The following HEXA variants were observed in gnomAD, a reference collection of about 807,000 sequenced individuals.
HEXA encodes the protein hexosaminidase subunit alpha.
Under a neutral mutation model 73.3 loss-of-function variants are expected in HEXA, and 54 were observed. The observed-to-expected ratio is 0.74, with a 90% CI of 0.59 to 0.92. The LOEUF is 0.92. HEXA is among the 40% of genes least tolerant of loss of function. The pLI is 0.00. For missense variants in HEXA, 649 were observed against 653.0 expected (o/e 0.99, Z 0.07); for synonymous variants, 230 against 246.9 (o/e 0.93, Z 0.64).
intron 13 of HEXA, among the ~76,000 whole-genome samples, chr15:72,345,024 C>T (rs954470973): frequency 2.6e-5 from 4 of 152,194 alleles, no homozygotes; most frequent in African/African-American, 4.8e-5. Flanking sequence ...ACAAACTTAG[C>T]ACAGTGTTTG....
intron 10 of HEXA, 139 bp from the exon 11 acceptor site, chr15:72,346,849 AC>A: frequency 1.2e-6 from 1 of 830,260 alleles, no homozygotes; most frequent in Non-Finnish European, 2.1e-6. Flanking sequence ...GTGACTCCTG[AC>A]CATTGAGCTC....
intron 2 of HEXA, 63 bp from the exon 3 acceptor site, chr15:72,355,687 A>G: frequency 9.1e-7 from 1 of 1,095,320 alleles, no homozygotes; most frequent in African/African-American, 1.5e-5. Context: ...ATTATAGACC[A>G]GATATTCTAT....
Position 72,355,637 on chromosome 15 carries a change from A to C in HEXA, c.347-13T>G. 1.3e-6 allele frequency: 2 copies of C among 1,582,384 alleles called. No homozygotes were observed. The highest frequency in any genetic ancestry group is 1.7e-6 in the Non-Finnish European group (2 of 1,150,916). On this transcript the variant is annotated splice_polypyrimidine_tract_variant and intron_variant, in intron 2 of 13. Transcript: ENST00000268097. ...ATGGTCAGGGTATCTGAAATGACAG[A>C]AATGAACTCATTTAGTTGGTTAAGG...
rs1226351129 is a variant in HEXA, at chr15:72,341,299, G to C, written c.*2778C>G. 6.6e-6 allele frequency: 1 copy of C among 152,094 alleles called. No homozygotes were observed. Among genetic ancestry groups the C allele is most frequent in the Non-Finnish European group, 1.5e-5 (1 of 68,028 alleles). The allele number at this position is 152,094 out of a possible 1,614,324, so 9.4% of individuals were successfully genotyped here. A position where few individuals can be genotyped will look rare whatever the true frequency, so the allele number is the denominator to read the frequency against. ...GGTGGCACCTGTGCTCCCACATCCTGATATCCTACCCCTACGGCAATCCTT... is the reference window on the plus strand; with the variant it reads ...GGTGGCACCTGTGCTCCCACATCCTCATATCCTACCCCTACGGCAATCCTT... On this transcript the variant is annotated 3_prime_UTR_variant, in exon 14 of 14. Transcript: ENST00000268097.
chr15:72,346,705 C>G lies in HEXA; in HGVS notation c.1152G>C (p.Gln384His). Residue 384 changes from glutamine to histidine, a missense_variant, in exon 11 of 14, where the codon CAG (glutamine) becomes CAC (histidine). Gln to His is a conservative substitution (Grantham distance 24). Coordinates refer to ENST00000268097, the MANE Select transcript of HEXA (RefSeq NM_000520.6). Reference sequence around the variant, plus strand: ...GCCACACCTGTATGATTGTGTCTGGCTGAATCTGTTATAAAAGGTCAAATG... The same window carrying G: ...GCCACACCTGTATGATTGTGTCTGGGTGAATCTGTTATAAAAGGTCAAATG... ...QEVFDNKVKI[Q>H]PDTIIQVWRE... is the part of the protein sequence containing the mutation. 2 of 1,614,048 alleles carry G rather than the reference C, an allele frequency of 1.2e-6. No homozygotes were observed. Among genetic ancestry groups the G allele is most frequent in the African/African-American group, 1.3e-5 (1 of 75,026 alleles).
At chr15:72,361,146 TG>T (rs2088848125) in intron 1 of HEXA, among the ~76,000 whole-genome samples, 1 of 152,214 alleles carries the variant, frequency 6.6e-6, no homozygotes, top group South Asian at 2.1e-4. Flanking sequence ...TTGTAAGTGC[TG>T]GGGATACAGC....
chr15:72,346,325 C>G lies in HEXA; in HGVS notation c.1331G>C (p.Gly444Ala), dbSNP rs754440146. ...FYIVEPLAFE[G>A]TPEQKALVIG... The stretch of plus-strand genomic sequence containing the variant: ...CACCAGAGCCTTCTGCTCAGGGGTA[C>G]CTGAGGGAAAACAAGCAACAACAGT... The change falls in exon 12 of 14, where the codon GGT (glycine) becomes GCT (alanine). Residue 444 changes from glycine to alanine, a missense_variant and splice_region_variant. Gly to Ala is a moderately conservative substitution (Grantham distance 60). Coordinates refer to ENST00000268097, the MANE Select transcript of HEXA (RefSeq NM_000520.6). The G allele has an allele frequency of 4.3e-6, 7 of 1,613,234 alleles. No homozygotes were observed. In the Admixed American group the frequency reaches 1.2e-4, roughly 27 times the overall value.
At chr15:72,350,714 C>G (rs2088683826) in intron 6 of HEXA, 64 bp from the exon 7 acceptor site, 3 of 1,595,340 alleles carry the variant, frequency 1.9e-6, no homozygotes, top group Non-Finnish European at 8.6e-7. Flanking sequence ...AGAAGATACT[C>G]AAAATGCCCA....
rs779549863 is a variant in HEXA at position 72,345,701 on chromosome 15, G to A, written c.1422-151C>T. On this transcript the variant is annotated intron_variant, in intron 12 of 13. Transcript: ENST00000268097. The stretch of plus-strand genomic sequence containing the variant: ...CCTTGTTATGAGCCACAGCCAGGTT[G>A]GATGGCTCCCAGAGAGTTCTACGGC... The A allele has an allele frequency of 4.3e-4, 573 of 1,332,806 alleles. 1 individual carries two copies. The highest frequency in any genetic ancestry group is 5.7e-4 in the Non-Finnish European group (548 of 965,470). 82.6% of individuals were successfully genotyped at this position (1,332,806 alleles called of 1,614,324 possible). A position where few individuals can be genotyped will look rare whatever the true frequency, so the allele number is the denominator to read the frequency against.
chr15:72,346,106 G>A (rs1388015917), intron 12 of HEXA, 129 bp downstream of exon 12: 3 of 711,494 alleles, frequency 4.2e-6, no homozygotes, highest in Non-Finnish European at 7.7e-6. Flanking sequence ...AAGGCTCGTT[G>A]CACGGCCTGC....
In HEXA at chr15:72,371,509, C is replaced by T. The variant is rs572887897; in HGVS notation, c.253+4211G>A. Among the ~76,000 whole-genome samples, 13 of 151,256 alleles carry T rather than the reference C, an allele frequency of 8.6e-5. 1 individual carries two copies. In the South Asian group the frequency reaches 2.7e-3, roughly 32 times the overall value. On this transcript the variant is annotated intron_variant, in intron 1 of 13. Coordinates refer to ENST00000268097, the MANE Select transcript of HEXA (RefSeq NM_000520.6). Reference sequence around the variant, plus strand: ...GCTGAGATGGGAGGACAGCTTGAGCCTCGGAGGTCGAGGCTGCAGTGGGCT... The same window carrying T: ...GCTGAGATGGGAGGACAGCTTGAGCTTCGGAGGTCGAGGCTGCAGTGGGCT...
At chr15:72,347,830 T>C (rs2088638155) in intron 9 of HEXA, 72 bp from the exon 10 acceptor site, 1 of 1,442,902 alleles carries the variant, frequency 6.9e-7, no homozygotes, top group Non-Finnish European at 9.8e-7. Context: ...GTGCCAGTGC[T>C]CTAGGGGTTG....
intron 1 of HEXA, among the ~76,000 whole-genome samples, chr15:72,369,616 C>T (rs1223367899): frequency 6.6e-6 from 1 of 152,182 alleles, no homozygotes; most frequent in Non-Finnish European, 1.5e-5. Context: ...CAGCTAACTG[C>T]AACCTCCACC....
intron 1 of HEXA, among the ~76,000 whole-genome samples, chr15:72,373,987 T>A (rs2089025021): frequency 7.2e-6 from 1 of 138,830 alleles, no homozygotes; most frequent in African/African-American, 2.8e-5. Context: ...GTAGGCTGAG[T>A]GATAAAGCGA....
rs2088571346 is a variant in HEXA at position 72,343,372 on chromosome 15, G to C, written c.*705C>G. 1 of 152,210 alleles carries C rather than the reference G, an allele frequency of 6.6e-6. No individual in the cohort carries two copies. Among genetic ancestry groups the C allele is most frequent in the Non-Finnish European group, 1.5e-5 (1 of 68,112 alleles). 9.4% of individuals were successfully genotyped at this position (152,210 alleles called of 1,614,324 possible). A position where few individuals can be genotyped will look rare whatever the true frequency, so the allele number is the denominator to read the frequency against. On this transcript the variant is annotated 3_prime_UTR_variant, in exon 14 of 14. Coordinates refer to ENST00000268097, the MANE Select transcript of HEXA (RefSeq NM_000520.6). Reference sequence around the variant, plus strand: ...ATTGTGCCACTGCACTGTCAGCCTGGGCGACAGAGTTTTTGAGACAGTCTC... The same window carrying C: ...ATTGTGCCACTGCACTGTCAGCCTGCGCGACAGAGTTTTTGAGACAGTCTC...
intron 1 of HEXA, among the ~76,000 whole-genome samples, chr15:72,365,830 TC>T (rs1204339566): frequency 6.6e-6 from 1 of 152,230 alleles, no homozygotes; most frequent in Non-Finnish European, 1.5e-5. Flanking sequence ...GTCTCTGGAA[TC>T]TATTTTCTTG....
intron 2 of HEXA, chr15:72,355,859 T>C: frequency 1.7e-6 from 1 of 590,026 alleles, no homozygotes; most frequent in Non-Finnish European, 3.2e-6. Flanking sequence ...TGGATGATGA[T>C]GTACAGCAAG....
rs767318868 is a variant in HEXA, at chr15:72,351,202, G to C, written c.603C>G (p.Phe201Leu). ...DVMAYNKLNV[F>L]HWHLVDDPSF... Reference sequence around the variant, plus strand: ...AAGGATCATCTACCAGATGCCAGTGGAACACGTTCAATTTATTGTACGCCA... The same window carrying C: ...AAGGATCATCTACCAGATGCCAGTGCAACACGTTCAATTTATTGTACGCCA... The change falls in exon 6 of 14, where the codon TTC becomes TTG. Residue 201 changes from phenylalanine (F) to leucine (L), a missense_variant. Coordinates refer to ENST00000268097, the MANE Select transcript of HEXA (RefSeq NM_000520.6). 6.2e-7 allele frequency: 1 copy of C among 1,612,398 alleles called. No homozygotes were observed. Among genetic ancestry groups the C allele is most frequent in the East Asian group, 2.2e-5 (1 of 44,856 alleles).
chr15:72,343,596 G>A lies in HEXA; in HGVS notation c.*481C>T. 1 of 196,870 alleles carries A rather than the reference G, an allele frequency of 5.1e-6. No homozygotes were observed. Among genetic ancestry groups the A allele is most frequent in the Non-Finnish European group, 1.1e-5 (1 of 93,694 alleles). 12.2% of individuals were successfully genotyped at this position (196,870 alleles called of 1,614,324 possible). A position where few individuals can be genotyped will look rare whatever the true frequency, so the allele number is the denominator to read the frequency against. On this transcript the variant is annotated 3_prime_UTR_variant, in exon 14 of 14. Coordinates refer to ENST00000268097, the MANE Select transcript of HEXA (RefSeq NM_000520.6). Reference sequence around the variant, plus strand: ...GGTTGGGTCTGGAGCCCTCCCCACTGTCCAGAACACCTCCAAGCCCCTACA... The same window carrying A: ...GGTTGGGTCTGGAGCCCTCCCCACTATCCAGAACACCTCCAAGCCCCTACA...
Sources: allele counts gnomAD v4.1 joint callset (sites outside exome capture counted in the v4.1 genomes callset), GRCh38; gene constraint gnomAD v4.1.1; transcripts MANE v1.5; gene names NCBI Gene and HGNC (gene_info 2026-07-23, HGNC 2026-07-21).